Variants in RPS3 observed in about 807,000 individuals in gnomAD.
RPS3 encodes the protein small ribosomal subunit protein uS3.
RPS3 carries 2 observed loss-of-function variants against 25.8 expected under a neutral mutation model. The ratio of observed to expected loss-of-function variants is 0.08; its 90% CI spans 0.03 to 0.24. RPS3 has a LOEUF of 0.24. Among genes scored for constraint, RPS3 ranks in the 10% least tolerant of loss-of-function variants. The pLI, the probability that RPS3 is intolerant of heterozygous loss-of-function variation, is 1.00. For synonymous variants in RPS3, 114 were observed against 114.2 expected, an observed-to-expected ratio of 1.00 and a Z score of 0.01; for missense variants, 107 against 307.1, an observed-to-expected ratio of 0.35 and a Z score of 4.87.
chr11:75,405,333 G>T (rs76334133), intron 6 of RPS3: 5 of 257,054 alleles, frequency 1.9e-5, no homozygotes, highest in African/African-American at 1.2e-4. Context: ...GTGCTTGGCT[G>T]CTCAAGATTT....
rs757632649 is a variant in RPS3, at chr11:75,402,274, T to C, written c.256-78T>C. The C allele has an allele frequency of 5.0e-6, 8 of 1,588,972 alleles. No homozygotes were observed. In the East Asian group the frequency reaches 1.6e-4, roughly 32 times the overall value. ...AGCTTGGTGTAGAAAGTGATACTTG[T>C]GTGGCAAATGCCAAATTTTCAACTT... On this transcript the variant is annotated intron_variant, in intron 3 of 6. Transcript: ENST00000531188.
downstream of RPS3, among the ~76,000 whole-genome samples, chr11:75,411,165 C>T (rs367940535): frequency 4.3e-4 from 66 of 151,726 alleles, 1 homozygote; most frequent in African/African-American, 1.5e-3. Flanking sequence ...CATGAGCCAC[C>T]GTGCCCGGCC....
At chr11:75,403,859 C>T (rs572571201) in intron 4 of RPS3, 161 bp from the exon 5 acceptor site, 13 of 632,872 alleles carry the variant, frequency 2.1e-5, no homozygotes, top group South Asian at 1.7e-4. Flanking sequence ...CCCTAAGGTT[C>T]GGAATGATAG....
chr11:75,406,380 G>C lies in RPS3; in HGVS notation c.*770G>C, dbSNP rs1008889531. On this transcript the variant is annotated 3_prime_UTR_variant, in exon 7 of 7. Coordinates refer to ENST00000531188, the MANE Select transcript of RPS3 (RefSeq NM_001005.5). ...AAATCATGAGACTGTTGTTAAATCA[G>C]ATGCTGGTTGATCACAGAGGGGACT... 13 of 152,238 alleles carry C rather than the reference G, an allele frequency of 8.5e-5. No individual in the cohort carries two copies. The highest frequency in any genetic ancestry group is 3.1e-4 in the African/African-American group (13 of 41,464). The allele number at this position is 152,238 out of a possible 1,614,324, so 9.4% of individuals were successfully genotyped here.
chr11:75,403,403 A>T (rs1473409708), intron 4 of RPS3: 1 of 152,258 alleles, frequency 6.6e-6, no homozygotes, highest in African/African-American at 2.4e-5. Flanking sequence ...TCAGTTGTGG[A>T]ATATTAAGTA....
At chr11:75,408,204 T>C (rs1948307366), downstream of RPS3, among the ~76,000 whole-genome samples, 1 of 152,136 alleles carries the variant, frequency 6.6e-6, no homozygotes, top group Non-Finnish European at 1.5e-5. Flanking sequence ...TGTAACCATT[T>C]AAAAATGCCA....
intron 4 of RPS3, chr11:75,402,979 C>T (rs1245864731): frequency 6.6e-6 from 1 of 152,248 alleles, no homozygotes; most frequent in African/African-American, 2.4e-5. Context: ...AGACACTTAA[C>T]CTCTGAGTTG....
In RPS3 at chr11:75,406,412, G is replaced by A. The variant is rs1261474390; in HGVS notation, c.*802G>A. On this transcript the variant is annotated 3_prime_UTR_variant, in exon 7 of 7. Transcript: ENST00000531188. The stretch of plus-strand genomic sequence containing the variant: ...GTTGATCACAGAGGGGACTTCCAGG[G>A]AAAGCTGTTATCAGGTGGCTGCTTC... 1 of 152,238 alleles carries A rather than the reference G, an allele frequency of 6.6e-6. No homozygotes were observed. Among genetic ancestry groups the A allele is most frequent in the African/African-American group, 2.4e-5 (1 of 41,450 alleles). 9.4% of individuals were successfully genotyped at this position (152,238 alleles called of 1,614,324 possible).
chr11:75,399,665 G>C lies in RPS3; in HGVS notation c.30+88G>C. On this transcript the variant is annotated intron_variant, in intron 1 of 6. Transcript: ENST00000531188. ...GTGCCACCGCGAGGCCTGCAGCTCCGTGGCCTGCCCTGGAAGCGGCCTAGG... is the reference window on the plus strand; with the variant it reads ...GTGCCACCGCGAGGCCTGCAGCTCCCTGGCCTGCCCTGGAAGCGGCCTAGG... 3.3e-6 allele frequency: 4 copies of C among 1,206,926 alleles called. No homozygotes were observed. In the South Asian group the frequency reaches 5.0e-5, roughly 15 times the overall value. 74.8% of individuals were successfully genotyped at this position (1,206,926 alleles called of 1,614,324 possible).
chr11:75,411,157 T>G (rs1948353511), downstream of RPS3, among the ~76,000 whole-genome samples: 1 of 152,050 alleles, frequency 6.6e-6, no homozygotes, highest in Non-Finnish European at 1.5e-5. Flanking sequence ...ATTACAGGCA[T>G]GAGCCACCGT....
intron 6 of RPS3, among the ~76,000 whole-genome samples, chr11:75,421,082 C>T (rs1232818641): frequency 1.3e-5 from 2 of 152,132 alleles, no homozygotes; most frequent in African/African-American, 4.8e-5. Context: ...TGAGCGTTCC[C>T]CATAGGGTGG....
At chr11:75,413,053 A>G (rs1186173744) in intron 6 of RPS3, among the ~76,000 whole-genome samples, 1 of 152,192 alleles carries the variant, frequency 6.6e-6, no homozygotes, top group African/African-American at 2.4e-5. Context: ...GGTTACAGGC[A>G]TGAGCCACCA....
At chr11:75,417,400 C>G (rs1394990567) in intron 6 of RPS3, among the ~76,000 whole-genome samples, 2 of 152,110 alleles carry the variant, frequency 1.3e-5, no homozygotes. Context: ...TCGAGACCAT[C>G]CTGGCTAACA....
intron 6 of RPS3, among the ~76,000 whole-genome samples, chr11:75,418,523 A>G (rs1247854588): frequency 6.6e-6 from 1 of 152,240 alleles, no homozygotes; most frequent in Non-Finnish European, 1.5e-5. Context: ...AATAAAGTAC[A>G]GGATGAAGTG....
intron 6 of RPS3, among the ~76,000 whole-genome samples, chr11:75,417,391 C>T (rs1385183039): frequency 3.3e-5 from 5 of 152,030 alleles, no homozygotes; most frequent in African/African-American, 1.2e-4. Context: ...GGTCAGGAGT[C>T]GAGACCATCC....
In RPS3 at chr11:75,405,627, G is replaced by C. The variant is rs949551131; in HGVS notation, c.*17G>C. 2.2e-6 allele frequency: 1 copy of C among 456,124 alleles called. No individual in the cohort carries two copies. The allele number at this position is 456,124 out of a possible 1,614,324, so 28.3% of individuals were successfully genotyped here. On this transcript the variant is annotated 3_prime_UTR_variant, in exon 7 of 7. Coordinates refer to ENST00000531188, the MANE Select transcript of RPS3 (RefSeq NM_001005.5). ...ATTTGGTTTCAGGGTCTCCTTGGCA[G>C]CTGTATTCTGGAGTCTGGATGTTGC...
downstream of RPS3, among the ~76,000 whole-genome samples, chr11:75,410,359 G>A (rs1948340440): frequency 6.6e-6 from 1 of 151,766 alleles, no homozygotes; most frequent in Non-Finnish European, 1.5e-5. Context: ...CAGGGCGGCG[G>A]GGCAGAGGTG....
chr11:75,401,489 C>CA (rs111445702), intron 2 of RPS3, 151 bp from the exon 3 acceptor site: 9,626 of 460,154 alleles, frequency 0.021, 2 homozygotes, highest in Middle Eastern at 0.027. Context: ...GACCCTGTCT[C>CA]AAAAAAAAAA....
At chr11:75,399,672 G>A (rs1028181771) in intron 1 of RPS3, 95 bp downstream of exon 1, 90 of 1,119,690 alleles carry the variant, frequency 8.0e-5, no homozygotes, top group Non-Finnish European at 1.1e-4. Flanking sequence ...TCCGTGGCCT[G>A]CCCTGGAAGC....
Sources: gnomAD v4.1 joint callset for allele counts (sites outside exome capture counted in the v4.1 genomes callset) on GRCh38, gnomAD v4.1.1 for gene constraint, MANE v1.5 for transcripts, NCBI Gene and HGNC (gene_info 2026-07-23, HGNC 2026-07-21) for gene names.